SUSD4: variants seen among roughly 807,000 people sequenced by gnomAD.
SUSD4 encodes sushi domain-containing protein 4.
In SUSD4, 41 loss-of-function variants were observed where a neutral mutation model predicts 50.5. The observed-to-expected ratio is 0.81, with a 90% CI of 0.63 to 1.05. SUSD4 has a LOEUF of 1.05. Among genes scored for constraint, SUSD4 ranks in the 50% least tolerant of loss-of-function variants. The pLI, the probability that SUSD4 is intolerant of heterozygous loss-of-function variation, is 0.00. For synonymous variants in SUSD4, 257 were observed against 257.3 expected (o/e 1.00, Z 0.01); for missense variants, 580 against 634.7 (o/e 0.91, Z 0.93).
intron 2 of SUSD4, among the ~76,000 whole-genome samples, chr1:223,313,986 T>A (rs1011011494): frequency 6.6e-6 from 1 of 152,166 alleles, no homozygotes; most frequent in African/African-American, 2.4e-5. Context: ...TAGCATATAA[T>A]CAAGAAATAA....
At position 223,223,646 on chromosome 1, in the gene SUSD4, G is replaced by C. The variant is rs766119711; in HGVS notation, c.1062-15C>G. Reference sequence around the variant, plus strand: ...GGGGAGGCCCCCTGTGTAAAGGAAAGAAGTGCCAACATGTGAGAGCCATGC... The same window carrying C: ...GGGGAGGCCCCCTGTGTAAAGGAAACAAGTGCCAACATGTGAGAGCCATGC... On this transcript the variant is annotated splice_polypyrimidine_tract_variant and intron_variant, in intron 7 of 8. Transcript: ENST00000366878. 6 of 1,584,980 alleles carry C rather than the reference G, an allele frequency of 3.8e-6. No homozygotes were observed. Among genetic ancestry groups the C allele is most frequent in the Non-Finnish European group, 5.2e-6 (6 of 1,163,656 alleles).
chr1:223,364,680 C>A (rs900459986), upstream of SUSD4, among the ~76,000 whole-genome samples: 1 of 151,510 alleles, frequency 6.6e-6, no homozygotes, highest in South Asian at 2.1e-4. The surrounding 1 kb of genome is among the most constrained non-coding windows in gnomAD (Gnocchi z 4.5). Context: ...GCCCGCGGCG[C>A]GGCGCGGGAG....
chr1:223,233,372 G>A (rs552031435), intron 5 of SUSD4, among the ~76,000 whole-genome samples: 20 of 152,262 alleles, frequency 1.3e-4, no homozygotes, highest in African/African-American at 4.3e-4. Flanking sequence ...AACAACAAAA[G>A]TATTATTAAT....
intron 3 of SUSD4, among the ~76,000 whole-genome samples, chr1:223,277,024 C>A (rs1240248627): frequency 6.6e-6 from 1 of 152,152 alleles, no homozygotes; most frequent in Non-Finnish European, 1.5e-5. Context: ...GTATGACCAC[C>A]CCGCTTTTGA....
At position 223,229,215 on chromosome 1, in the gene SUSD4, C is replaced by G. The variant is rs1441746476; in HGVS notation, c.898G>C (p.Val300Leu). The change falls in exon 6 of 9, where the codon GTC (valine) becomes CTC (leucine). Residue 300 changes from valine to leucine, a missense_variant. By Grantham distance (32) the Val-to-Leu change is conservative. Coordinates refer to ENST00000366878, the MANE Select transcript of SUSD4 (RefSeq NM_017982.4). This position sits in a 1 kb window ranked among gnomAD's most constrained non-coding sequence, Gnocchi z 4.7. Reference protein sequence around the residue: ...QYGEWFPSYQVYCIKSEQTWP... With the variant: ...QYGEWFPSYQLYCIKSEQTWP... ...GTCTTACCTGATTTGATGCAGTAGA[C>G]TTGATAAGAAGGAAACCACTCTCCA... 5.0e-6 allele frequency: 8 copies of G among 1,606,062 alleles called. No individual in the cohort carries two copies. The highest frequency in any genetic ancestry group is 3.3e-4 in the Middle Eastern group (2 of 5,990).
At chr1:223,291,454 A>T (rs1385976463) in intron 3 of SUSD4, among the ~76,000 whole-genome samples, 2 of 134,590 alleles carry the variant, frequency 1.5e-5, no homozygotes, top group African/African-American at 6.0e-5. Flanking sequence ...GTGCCACTGC[A>T]CTCTAGCCTG....
intron 2 of SUSD4, among the ~76,000 whole-genome samples, chr1:223,331,327 G>A (rs1667159116): frequency 6.6e-6 from 1 of 152,182 alleles, no homozygotes; most frequent in Non-Finnish European, 1.5e-5. Flanking sequence ...CTGCTCCTTA[G>A]CACAGAACAT....
intron 5 of SUSD4, among the ~76,000 whole-genome samples, chr1:223,237,559 A>G (rs1660308195): frequency 6.6e-6 from 1 of 151,854 alleles, no homozygotes; most frequent in African/African-American, 2.4e-5. Context: ...TTTTTAAATC[A>G]TAAATTGGTG....
rs560679873 is a variant in SUSD4, at chr1:223,271,749, A to G, written c.362-3074T>C. On this transcript the variant is annotated intron_variant, in intron 3 of 8. Coordinates refer to ENST00000366878, the MANE Select transcript of SUSD4 (RefSeq NM_017982.4). ...CCTAAAGGAGGGTGAAGTAGGAAGA[A>G]GGTATCTAGAAAAAAGTATGTGCCC... Among the ~76,000 whole-genome samples the G allele has an allele frequency of 4.6e-5, 7 of 152,308 alleles. No homozygotes were observed. The South Asian group carries it at 1.4e-3, about 32-fold the overall frequency.
chr1:223,245,947 A>G (rs2103031661), intron 5 of SUSD4, among the ~76,000 whole-genome samples: 1 of 152,334 alleles, frequency 6.6e-6, no homozygotes, highest in Non-Finnish European at 1.5e-5. Context: ...GGAGTGGTAC[A>G]GAGCTTGGTT....
At chr1:223,296,114 C>A (rs1664807857) in intron 2 of SUSD4, among the ~76,000 whole-genome samples, 2 of 152,074 alleles carry the variant, frequency 1.3e-5, no homozygotes, top group African/African-American at 4.8e-5. Flanking sequence ...TGTCTGAGGG[C>A]AGGCATTTGA....
At chr1:223,244,612 G>C (rs1660795878) in intron 5 of SUSD4, among the ~76,000 whole-genome samples, 1 of 152,094 alleles carries the variant, frequency 6.6e-6, no homozygotes, top group African/African-American at 2.4e-5. Flanking sequence ...ACCCCACCCT[G>C]ATGCTACAGA....
At chr1:223,264,482 C>G in intron 5 of SUSD4, 148 bp downstream of exon 5, 1 of 1,383,358 alleles carries the variant, frequency 7.2e-7, no homozygotes, top group Non-Finnish European at 9.3e-7. Context: ...TTCACGGCAG[C>G]TGATCTCTGC....
chr1:223,279,913 G>A (rs1663573516), intron 3 of SUSD4, among the ~76,000 whole-genome samples: 1 of 152,224 alleles, frequency 6.6e-6, no homozygotes, highest in Non-Finnish European at 1.5e-5. Flanking sequence ...TGAGCCAGAA[G>A]AGAGTGGGGG....
chr1:223,239,943 C>CT (rs1660468436), intron 5 of SUSD4, among the ~76,000 whole-genome samples: 3 of 152,068 alleles, frequency 2.0e-5, no homozygotes, highest in Non-Finnish European at 4.4e-5. Flanking sequence ...TAAAGAACTT[C>CT]TTTTAACATT....
chr1:223,358,491 GGCAAGCCTCGTTGGTCTTTT>G (rs1668791008), intron 2 of SUSD4, among the ~76,000 whole-genome samples: 1 of 152,192 alleles, frequency 6.6e-6, no homozygotes, highest in Non-Finnish European at 1.5e-5. Context: ...CCCATCTAAA[GGCAAGCCTCGTTGGTCTTTT>G]GCAAGCTTTG....
intron 5 of SUSD4, among the ~76,000 whole-genome samples, chr1:223,256,788 C>A (rs2103055810): frequency 6.6e-6 from 1 of 152,264 alleles, no homozygotes; most frequent in African/African-American, 2.4e-5. Context: ...GGATTAGAAC[C>A]CAGATCAAAA....
At chr1:223,334,862 G>C (rs148709872) in intron 2 of SUSD4, among the ~76,000 whole-genome samples, 1 of 151,960 alleles carries the variant, frequency 6.6e-6, no homozygotes, top group Non-Finnish European at 1.5e-5. Flanking sequence ...CTTTCCCCGA[G>C]TCCCCAAAGT....
intron 5 of SUSD4, among the ~76,000 whole-genome samples, chr1:223,232,370 T>C (rs1659954933): frequency 6.6e-6 from 1 of 151,986 alleles, no homozygotes; most frequent in Non-Finnish European, 1.5e-5. Context: ...TGTAGATGTA[T>C]CTCAAAACAT....
Sources: gnomAD v4.1 joint callset for allele counts (sites outside exome capture counted in the v4.1 genomes callset) on GRCh38, gnomAD v4.1.1 for gene constraint, Gnocchi (gnomAD v3.1) non-coding constraint, MANE v1.5 for transcripts, NCBI Gene and HGNC (gene_info 2026-07-23, HGNC 2026-07-21) for gene names.